PDE11A: variants seen among roughly 807,000 people sequenced by gnomAD.
The protein encoded by PDE11A is dual 3',5'-cyclic-AMP and -GMP phosphodiesterase 11A.
PDE11A carries 100 observed loss-of-function variants against 100.5 expected under a neutral mutation model. The ratio of observed to expected loss-of-function variants is 1.00; its 90% confidence interval spans 0.85 to 1.18. The LOEUF (loss-of-function observed/expected upper bound fraction) is 1.18. Ranked by LOEUF, PDE11A falls within the 50% of genes most tolerant of loss-of-function variation. The pLI, the probability that PDE11A is intolerant of heterozygous loss-of-function variation, is 0.00. For missense variants in PDE11A, 1,141 were observed against 1,152.6 expected (o/e 0.99, Z 0.15); for synonymous variants, 381 against 420.8 (o/e 0.91, Z 1.16).
chr2:177,901,254 C>T (rs182961971), intron 3 of PDE11A, among the ~76,000 whole-genome samples: 2 of 152,036 alleles, frequency 1.3e-5, no homozygotes, highest in East Asian at 3.9e-4. Context: ...GTGACCCCCC[C>T]CATCCATGAG....
chr2:178,073,526 T>C (rs757889174), upstream of PDE11A, among the ~76,000 whole-genome samples: 4 of 152,140 alleles, frequency 2.6e-5, no homozygotes, highest in Non-Finnish European at 5.9e-5. Context: ...AAACCAAGCA[T>C]AGAATCCTGG....
chr2:177,795,935 C>A lies in PDE11A; in HGVS notation c.1737+20894G>T, dbSNP rs867708897. Among the ~76,000 whole-genome samples the A allele has an allele frequency of 3.6e-3, 245 of 67,216 alleles. 2 individuals carry two copies. In the East Asian group the frequency reaches 0.045, roughly 12 times the overall value. The allele number at this position is 67,216 out of a possible 152,430, so 44.1% of individuals were successfully genotyped here. On this transcript the variant is annotated intron_variant, in intron 9 of 19. Coordinates refer to ENST00000286063, the MANE Select transcript of PDE11A (RefSeq NM_016953.4). ...AATTATTACTATTATTTTGTTTAAACTATATATATATATATATATATATAT... is the reference window on the plus strand; with the variant it reads ...AATTATTACTATTATTTTGTTTAAAATATATATATATATATATATATATAT...
intron 3 of PDE11A, among the ~76,000 whole-genome samples, chr2:177,904,076 G>C (rs1034759752): frequency 1.3e-5 from 2 of 152,052 alleles, no homozygotes; most frequent in African/African-American, 4.8e-5. Context: ...AGATTAATTA[G>C]GGTTTCAAAC....
At chr2:178,042,188 T>C (rs1418700326) in intron 1 of PDE11A, among the ~76,000 whole-genome samples, 3 of 152,118 alleles carry the variant, frequency 2.0e-5, no homozygotes, top group Non-Finnish European at 4.4e-5. Flanking sequence ...TTAAATAAAA[T>C]TCATCCTAAG....
At chr2:177,665,412 C>A (rs952063364) in intron 18 of PDE11A, among the ~76,000 whole-genome samples, 2 of 149,584 alleles carry the variant, frequency 1.3e-5, no homozygotes, top group South Asian at 2.1e-4. Flanking sequence ...CCCAAGATGT[C>A]GAGGCTGTAT....
At chr2:177,999,586 TATG>T (rs2086118625) in intron 2 of PDE11A, among the ~76,000 whole-genome samples, 1 of 152,202 alleles carries the variant, frequency 6.6e-6, no homozygotes, top group Non-Finnish European at 1.5e-5. Flanking sequence ...GCCCAGACGC[TATG>T]ATGCTACCCA....
rs1161662547 is a variant in PDE11A at position 177,624,828 on chromosome 2, G to C, written c.*4579C>G. The C allele has an allele frequency of 6.6e-6, 1 of 152,272 alleles. No individual in the cohort carries two copies. The highest frequency in any genetic ancestry group is 1.5e-5 in the Non-Finnish European group (1 of 68,120). 9.4% of individuals were successfully genotyped at this position (152,272 alleles called of 1,614,324 possible). Reference sequence around the variant, plus strand: ...TTCATATCTCTAACCCTAACACTTTGGGAGGCCAAGGCAGGAGGATTGCTT... The same window carrying C: ...TTCATATCTCTAACCCTAACACTTTCGGAGGCCAAGGCAGGAGGATTGCTT... On this transcript the variant is annotated 3_prime_UTR_variant, in exon 20 of 20. Coordinates refer to ENST00000286063, the MANE Select transcript of PDE11A (RefSeq NM_016953.4).
intron 1 of PDE11A, among the ~76,000 whole-genome samples, chr2:178,031,945 G>T (rs1187344571): frequency 6.6e-6 from 1 of 152,064 alleles, no homozygotes; most frequent in East Asian, 1.9e-4. Context: ...ATAAGCTACA[G>T]AAATTAAGGC....
chr2:178,099,252 C>T (rs982186027), intron 2 of PDE11A, among the ~76,000 whole-genome samples: 4 of 151,910 alleles, frequency 2.6e-5, no homozygotes, highest in African/African-American at 9.7e-5. Context: ...ATGGTGAAAC[C>T]CCGTCTCTAC....
intron 6 of PDE11A, among the ~76,000 whole-genome samples, chr2:177,830,624 A>G (rs2083293689): frequency 6.8e-6 from 1 of 147,810 alleles, no homozygotes; most frequent in Non-Finnish European, 1.5e-5. Context: ...AATAATAATA[A>G]TAATAATAAT....
chr2:177,909,911 G>A lies in PDE11A; in HGVS notation c.1072-4724C>T, dbSNP rs182342166. Among the ~76,000 whole-genome samples the A allele has an allele frequency of 2.0e-5, 3 of 152,268 alleles. No homozygotes were observed. The East Asian group carries it at 5.8e-4, about 29-fold the overall frequency. ...AAAACATATTATTCCCTTATCAAGT[G>A]CAACTGATGCTGCTAAAAAGCCAGC... is the stretch of plus-strand genomic sequence containing the variant. On this transcript the variant is annotated intron_variant, in intron 2 of 19. Transcript: ENST00000286063.
intron 1 of PDE11A, among the ~76,000 whole-genome samples, chr2:178,017,675 G>T (rs559534142): frequency 2.0e-5 from 3 of 152,186 alleles, no homozygotes; most frequent in South Asian, 2.1e-4. Context: ...AAAACAATTC[G>T]GGGGGCCAGG....
chr2:177,882,525 A>G (rs536338098), intron 4 of PDE11A, among the ~76,000 whole-genome samples: 2 of 152,336 alleles, frequency 1.3e-5, no homozygotes, highest in South Asian at 4.1e-4. Flanking sequence ...TTTATTATAC[A>G]TTTACTAAAT....
chr2:177,812,730 T>C (rs76894153), intron 9 of PDE11A, among the ~76,000 whole-genome samples: 1 of 152,200 alleles, frequency 6.6e-6, no homozygotes, highest in African/African-American at 2.4e-5. Flanking sequence ...AGATGCCCCT[T>C]GACTCCCAGT....
At chr2:177,769,945 T>G (rs1432109634) in intron 9 of PDE11A, among the ~76,000 whole-genome samples, 1 of 146,932 alleles carries the variant, frequency 6.8e-6, no homozygotes, top group Non-Finnish European at 1.5e-5. Context: ...TCCCAAAGGA[T>G]GTGAATACTT....
intron 4 of PDE11A, chr2:177,888,680 C>G: frequency 1.0e-6 from 1 of 973,676 alleles, no homozygotes; most frequent in Non-Finnish European, 1.2e-6. Context: ...GGCCCTAGTT[C>G]AGTTCTCAGG....
chr2:177,971,803 G>A (rs2085773901), intron 2 of PDE11A, among the ~76,000 whole-genome samples: 1 of 151,966 alleles, frequency 6.6e-6, no homozygotes, highest in African/African-American at 2.4e-5. Context: ...TTACAGAGCT[G>A]GTGGGAACAT....
chr2:177,898,241 G>GA lies in PDE11A; in HGVS notation c.1162-44dup, dbSNP rs565138154. On this transcript the variant is annotated intron_variant, in intron 3 of 19. Transcript: ENST00000286063. ...GATGTATATAAGTGGATGTAAAACT[G>GA]AAAAAAAGTTGCTTTTCTTCTTAAA... is the stretch of plus-strand genomic sequence containing the variant. 1.2e-4 allele frequency: 172 copies of GA among 1,426,580 alleles called. 1 individual carries two copies. In the African/African-American group the frequency reaches 2.1e-3, roughly 18 times the overall value. The allele number at this position is 1,426,580 out of a possible 1,614,324, so 88.4% of individuals were successfully genotyped here. A position where few individuals can be genotyped will look rare whatever the true frequency, so the allele number is the denominator to read the frequency against.
intron 4 of PDE11A, among the ~76,000 whole-genome samples, chr2:177,883,686 A>G (rs972824827): frequency 2.0e-5 from 3 of 152,206 alleles, no homozygotes; most frequent in Non-Finnish European, 2.9e-5. Context: ...GTTTAACTGA[A>G]CATAATTCAA....
Sources: gnomAD v4.1 joint callset for allele counts (sites outside exome capture counted in the v4.1 genomes callset) on GRCh38, gnomAD v4.1.1 for gene constraint, MANE v1.5 for transcripts, NCBI Gene and HGNC (gene_info 2026-07-23, HGNC 2026-07-21) for gene names.